Variants in STXBP5L observed in about 807,000 individuals in gnomAD.
STXBP5L encodes the protein syntaxin-binding protein 5-like.
A neutral mutation model predicts 144.5 loss-of-function variants in STXBP5L; 65 were observed. The ratio of observed to expected loss-of-function variants is 0.45; its 90% CI spans 0.37 to 0.55. The LOEUF is 0.55. Ranked by LOEUF, STXBP5L falls within the 20% of genes least tolerant of loss-of-function variation. The pLI is 0.00. For missense variants in STXBP5L, 1,298 were observed against 1,405.5 expected, an observed-to-expected ratio of 0.92 and a Z score of 1.22; for synonymous variants, 505 against 469.6, an observed-to-expected ratio of 1.08 and a Z score of -0.97.
At chr3:121,128,286 T>TA (rs149902089) in intron 7 of STXBP5L, among the ~76,000 whole-genome samples, 16 of 151,576 alleles carry the variant, frequency 1.1e-4, no homozygotes, top group African/African-American at 2.7e-4. Context: ...AAGCCTAGAC[T>TA]AAAAAAAAGC....
At chr3:121,264,797 G>A (rs1220649647) in intron 18 of STXBP5L, among the ~76,000 whole-genome samples, 25 of 111,964 alleles carry the variant, frequency 2.2e-4, no homozygotes, top group Middle Eastern at 4.8e-3. Context: ...CCAAGCTAAT[G>A]GAAAGCACAA....
At chr3:121,163,059 T>A (rs2046377455) in intron 9 of STXBP5L, among the ~76,000 whole-genome samples, 1 of 152,178 alleles carries the variant, frequency 6.6e-6, no homozygotes. Context: ...GACCCAGCAA[T>A]CCCATTACTG....
At chr3:121,418,260 T>C (rs1310320141) in intron 25 of STXBP5L, 77 bp from the exon 26 acceptor site, 3 of 1,438,202 alleles carry the variant, frequency 2.1e-6, no homozygotes, top group Non-Finnish European at 2.8e-6. Flanking sequence ...GTAATACTAG[T>C]ACTTTGTCTT....
intron 20 of STXBP5L, among the ~76,000 whole-genome samples, chr3:121,320,155 T>C (rs893916291): frequency 1.3e-5 from 2 of 152,204 alleles, no homozygotes; most frequent in South Asian, 2.1e-4. Context: ...TTTCGTTTAG[T>C]ATCTCTCTGT....
chr3:121,366,115 C>T (rs1177410910), intron 20 of STXBP5L, among the ~76,000 whole-genome samples: 1 of 151,936 alleles, frequency 6.6e-6, no homozygotes, highest in Non-Finnish European at 1.5e-5. Flanking sequence ...CCACTGTGCT[C>T]ATAGAAGACA....
intron 5 of STXBP5L, among the ~76,000 whole-genome samples, chr3:121,065,510 T>G (rs961694728): frequency 6.6e-6 from 1 of 152,160 alleles, no homozygotes; most frequent in Non-Finnish European, 1.5e-5. Flanking sequence ...TTAACACACA[T>G]TTATTATCTC....
chr3:121,298,406 A>C (rs1402141765), intron 19 of STXBP5L, among the ~76,000 whole-genome samples: 1 of 152,216 alleles, frequency 6.6e-6, no homozygotes, highest in African/African-American at 2.4e-5. Context: ...CCTTCATAAC[A>C]TTGGTCTTAG....
chr3:120,975,261 C>G (rs1275076244), intron 3 of STXBP5L, among the ~76,000 whole-genome samples: 2 of 152,136 alleles, frequency 1.3e-5, no homozygotes, highest in African/African-American at 4.8e-5. Flanking sequence ...TCCTTCACGT[C>G]CCTTGTAAGT....
intron 5 of STXBP5L, among the ~76,000 whole-genome samples, chr3:121,062,341 G>T (rs1156293825): frequency 1.3e-5 from 2 of 152,134 alleles, no homozygotes; most frequent in Non-Finnish European, 2.9e-5. Context: ...CTGGCTGGTA[G>T]GGTTTCTGCA....
intron 22 of STXBP5L, among the ~76,000 whole-genome samples, chr3:121,390,735 G>C (rs1167939702): frequency 6.6e-6 from 1 of 152,178 alleles, no homozygotes; most frequent in Non-Finnish European, 1.5e-5. Flanking sequence ...GGCTTGTAGA[G>C]TTTCTGCCAA....
chr3:120,935,638 A>G (rs1329479241), intron 2 of STXBP5L, among the ~76,000 whole-genome samples: 1 of 152,116 alleles, frequency 6.6e-6, no homozygotes, highest in Non-Finnish European at 1.5e-5. Context: ...TATTGGATAC[A>G]GAATTCTAGG....
chr3:120,977,907 G>T (rs1941270605), intron 3 of STXBP5L, among the ~76,000 whole-genome samples: 1 of 152,348 alleles, frequency 6.6e-6, no homozygotes, highest in East Asian at 1.9e-4. Context: ...TTTCTGCCAA[G>T]AGATCTGCTG....
intron 19 of STXBP5L, among the ~76,000 whole-genome samples, chr3:121,289,212 A>G (rs1283425678): frequency 2.0e-5 from 3 of 152,144 alleles, no homozygotes; most frequent in African/African-American, 7.2e-5. Context: ...CTATTCTTAT[A>G]TCAGACAAAA....
intron 12 of STXBP5L, among the ~76,000 whole-genome samples, chr3:121,235,844 C>CAT (rs3073423): frequency 0.19 from 26,151 of 139,382 alleles, 2,415 homozygotes; most frequent in Admixed American, 0.29. Context: ...CACACACATA[C>CAT]ACACACACAC....
rs961248411 is a variant in STXBP5L at position 121,424,018 on chromosome 3, C to T, written c.*4921C>T. Reference sequence around the variant, plus strand: ...TGACATCACAAGATACCAGAAGTAGCACAGTAAATTCAAGAGCATATAAAG... The same window carrying T: ...TGACATCACAAGATACCAGAAGTAGTACAGTAAATTCAAGAGCATATAAAG... On this transcript the variant is annotated 3_prime_UTR_variant, in exon 27 of 27. Coordinates refer to ENST00000471454, the MANE Select transcript of STXBP5L (RefSeq NM_001308330.2). 3 of 152,078 alleles carry T rather than the reference C, an allele frequency of 2.0e-5. No homozygotes were observed. Among genetic ancestry groups the T allele is most frequent in the African/African-American group, 7.2e-5 (3 of 41,398 alleles). 9.4% of individuals were successfully genotyped at this position (152,078 alleles called of 1,614,324 possible).
chr3:121,334,647 C>A (rs1325185957), intron 20 of STXBP5L, among the ~76,000 whole-genome samples: 2 of 152,122 alleles, frequency 1.3e-5, no homozygotes, highest in Non-Finnish European at 2.9e-5. Context: ...CCACCACAAT[C>A]AAGTAGGCTT....
intron 20 of STXBP5L, among the ~76,000 whole-genome samples, chr3:121,351,079 T>C (rs1016521978): frequency 6.6e-6 from 1 of 152,132 alleles, no homozygotes; most frequent in African/African-American, 2.4e-5. Flanking sequence ...TTTTTCCCCA[T>C]CTTTGTGGTT....
At position 121,330,616 on chromosome 3, in the gene STXBP5L, C is replaced by G. The variant is rs116399170; in HGVS notation, c.2176+12076C>G. Among the ~76,000 whole-genome samples, 569 of 152,268 alleles carry G rather than the reference C, an allele frequency of 3.7e-3. 2 individuals are homozygous for G. Among genetic ancestry groups the G allele is most frequent in the Non-Finnish European group, 3.5e-3 (241 of 68,008 alleles). Reference sequence around the variant, plus strand: ...CCTCCCCTGGGTAACTAACATTAGACAAGCACAAATACCACCATTACCACC... The same window carrying G: ...CCTCCCCTGGGTAACTAACATTAGAGAAGCACAAATACCACCATTACCACC... On this transcript the variant is annotated intron_variant, in intron 20 of 26. Coordinates refer to ENST00000471454, the MANE Select transcript of STXBP5L (RefSeq NM_001308330.2).
chr3:121,389,331 A>AT (rs1261546105), intron 22 of STXBP5L, among the ~76,000 whole-genome samples: 8 of 152,036 alleles, frequency 5.3e-5, no homozygotes, highest in Non-Finnish European at 1.0e-4. Context: ...TTTTCAAAAA[A>AT]CCAGCTTCTG....
Sources: allele counts gnomAD v4.1 joint callset (sites outside exome capture counted in the v4.1 genomes callset), GRCh38; gene constraint gnomAD v4.1.1; transcripts MANE v1.5; gene names NCBI Gene and HGNC (gene_info 2026-07-23, HGNC 2026-07-21).